Variants in KATNAL2 observed in about 807,000 individuals in gnomAD.
KATNAL2 encodes the protein katanin catalytic subunit A1 like 2.
KATNAL2 carries 52 observed loss-of-function variants against 76.3 expected under a neutral mutation model. The observed-to-expected ratio is 0.68, with a 90% confidence interval of 0.55 to 0.86. The LOEUF is 0.86. KATNAL2 is among the 40% of genes least tolerant of loss of function. KATNAL2 has a pLI of 0.00. For synonymous variants in KATNAL2, 243 were observed against 244.2 expected (o/e 1.00, Z 0.05); for missense variants, 660 against 668.9 (o/e 0.99, Z 0.15).
At chr18:47,093,303 C>T (rs570788022) in intron 15 of KATNAL2, among the ~76,000 whole-genome samples, 3 of 151,572 alleles carry the variant, frequency 2.0e-5, no homozygotes, top group Non-Finnish European at 4.4e-5. Context: ...TAAGCATTTG[C>T]TTTTATTAAT....
intron 1 of KATNAL2, among the ~76,000 whole-genome samples, chr18:46,930,793 T>C (rs185902841): frequency 2.7e-5 from 4 of 147,756 alleles, no homozygotes; most frequent in South Asian, 2.1e-4. Flanking sequence ...GGTGACAGAG[T>C]GAGACTCCAT....
chr18:47,034,235 G>A, intron 3 of KATNAL2: 1 of 1,613,916 alleles, frequency 6.2e-7, no homozygotes, highest in Non-Finnish European at 8.5e-7. Flanking sequence ...TGAGTCTCTC[G>A]GTCGTTGGAA....
At chr18:46,961,562 T>A (rs981778789) in intron 3 of KATNAL2, among the ~76,000 whole-genome samples, 3 of 152,004 alleles carry the variant, frequency 2.0e-5, no homozygotes, top group African/African-American at 7.3e-5. Flanking sequence ...ACAATGAGGG[T>A]TTTAAATTCT....
At chr18:46,947,053 G>A in intron 3 of KATNAL2, 130 bp downstream of exon 3, 1 of 712,906 alleles carries the variant, frequency 1.4e-6, no homozygotes, top group East Asian at 2.7e-5. Context: ...CGCAGTGAGA[G>A]GCGCTCGGCC....
At chr18:47,054,508 T>C in intron 6 of KATNAL2, 70 bp downstream of exon 6, 1 of 1,433,822 alleles carries the variant, frequency 7.0e-7, no homozygotes, top group Admixed American at 1.7e-5. Flanking sequence ...TCCAGAAGCT[T>C]TACCATCACA....
chr18:47,033,204 G>A (rs776157910), intron 3 of KATNAL2: 2 of 1,614,076 alleles, frequency 1.2e-6, no homozygotes, highest in South Asian at 2.2e-5. Context: ...TGCTGCTCTG[G>A]CTGGAGGGAG....
chr18:47,043,667 C>T (rs1217050880), intron 3 of KATNAL2, among the ~76,000 whole-genome samples: 1 of 151,974 alleles, frequency 6.6e-6, no homozygotes, highest in African/African-American at 2.4e-5. Flanking sequence ...GATAGAGGCT[C>T]CAAGAGGGAA....
At chr18:46,935,443 G>A (rs1332188109) in intron 1 of KATNAL2, among the ~76,000 whole-genome samples, 1 of 151,990 alleles carries the variant, frequency 6.6e-6, no homozygotes, top group Admixed American at 6.6e-5. Flanking sequence ...ACCTCTTTGG[G>A]GCAGCAAAAA....
In KATNAL2 at chr18:46,931,936, C is replaced by T. The variant is rs568308254; in HGVS notation, c.-510+14010C>T. ...TTTTCTTTTCTTTTTTTTTTTGAGA[C>T]GGGGTCTCGTTCTGTTGCCAGGCTG... On this transcript the variant is annotated intron_variant, in intron 1 of 17. Transcript: ENST00000683218. 2.6e-4 allele frequency among the ~76,000 whole-genome samples: 38 copies of T among 145,448 alleles called. 1 individual carries two copies. Among genetic ancestry groups the T allele is most frequent in the Middle Eastern group, 3.6e-3 (1 of 278 alleles).
At chr18:47,100,467 G>A (rs1161351760) in intron 17 of KATNAL2, 111 bp downstream of exon 17, 24 of 817,284 alleles carry the variant, frequency 2.9e-5, no homozygotes, top group African/African-American at 2.1e-4. Flanking sequence ...TTGGCAATGC[G>A]TTTTTTGGTC....
intron 15 of KATNAL2, among the ~76,000 whole-genome samples, chr18:47,078,316 C>G (rs1012266583): frequency 2.0e-5 from 3 of 152,114 alleles, no homozygotes; most frequent in Non-Finnish European, 4.4e-5. Context: ...TGGGACCCCC[C>G]CCAAACCAGA....
At chr18:47,034,814 G>A (rs1419097957) in intron 3 of KATNAL2, 3 of 1,612,056 alleles carry the variant, frequency 1.9e-6, no homozygotes, top group Admixed American at 1.7e-5. Flanking sequence ...TCAGCTCTGG[G>A]CTCGCGACTG....
chr18:47,090,407 C>T (rs138013452), intron 15 of KATNAL2, among the ~76,000 whole-genome samples: 3 of 152,102 alleles, frequency 2.0e-5, no homozygotes, highest in Admixed American at 6.5e-5. Flanking sequence ...GCGCCCAGCC[C>T]GAAATAGTAT....
chr18:47,039,664 A>G (rs2060897606), intron 3 of KATNAL2, among the ~76,000 whole-genome samples: 1 of 152,212 alleles, frequency 6.6e-6, no homozygotes, highest in Admixed American at 6.5e-5. Context: ...AGCACACAGA[A>G]CACTAGCTAC....
chr18:46,930,872 G>A (rs1487858881), intron 1 of KATNAL2, among the ~76,000 whole-genome samples: 3 of 149,256 alleles, frequency 2.0e-5, no homozygotes, highest in Non-Finnish European at 4.4e-5. Context: ...GGAGGCCAAG[G>A]CAGGCAGGTC....
At position 47,063,090 on chromosome 18, in the gene KATNAL2, C is replaced by A; in HGVS notation, c.648+20C>A. 1 of 1,590,098 alleles carries A rather than the reference C, an allele frequency of 6.3e-7. No individual in the cohort carries two copies. The highest frequency in any genetic ancestry group is 8.6e-7 in the Non-Finnish European group (1 of 1,158,524). The stretch of plus-strand genomic sequence containing the variant: ...CCCTCAGTAAGTGGCGAAGATGTGA[C>A]ATTCATCTTTCAAATTGCCAACATC... On this transcript the variant is annotated intron_variant, in intron 9 of 17. Coordinates refer to ENST00000683218, the MANE Select transcript of KATNAL2 (RefSeq NM_001387690.1).
chr18:46,965,588 C>CCT (rs1555838886), intron 3 of KATNAL2, among the ~76,000 whole-genome samples: 3 of 94,426 alleles, frequency 3.2e-5, no homozygotes, highest in South Asian at 3.4e-4. Context: ...CCCGCCCCCC[C>CCT]CCCCCCGCCC....
rs1302909328 is a variant in KATNAL2, at chr18:47,037,094, T to G, written c.52-9363T>G. Among the ~76,000 whole-genome samples the G allele has an allele frequency of 2.6e-5, 4 of 152,208 alleles. No individual in the cohort carries two copies. In the East Asian group the frequency reaches 7.7e-4, roughly 29 times the overall value. ...CTGTTTGTTTTTGAGATTGAAAGCT[T>G]AATGCAAAATTTGGATCTTATTACT... On this transcript the variant is annotated intron_variant, in intron 3 of 17. Transcript: ENST00000683218.
chr18:47,062,313 G>A (rs1179211302), intron 8 of KATNAL2, among the ~76,000 whole-genome samples: 2 of 151,754 alleles, frequency 1.3e-5, no homozygotes, highest in East Asian at 1.9e-4. Flanking sequence ...GAGCCCAGAA[G>A]TTTAAGGCTG....
Sources: gnomAD v4.1 joint callset for allele counts (sites outside exome capture counted in the v4.1 genomes callset) on GRCh38, gnomAD v4.1.1 for gene constraint, MANE v1.5 for transcripts, NCBI Gene and HGNC (gene_info 2026-07-23, HGNC 2026-07-21) for gene names.